Variants in SND1 observed in about 807,000 individuals in gnomAD.
SND1 encodes the protein staphylococcal nuclease domain-containing protein 1.
Under a neutral mutation model 121.7 loss-of-function variants are expected in SND1, and 38 were observed. The ratio of observed to expected loss-of-function variants is 0.31; its 90% confidence interval spans 0.24 to 0.41. The LOEUF (loss-of-function observed/expected upper bound fraction) is 0.41, where lower values mean the gene tolerates loss of function less well. SND1 is among the 10% of genes least tolerant of loss of function. SND1 has a pLI of 1.00. For missense variants in SND1, 868 were observed against 1,184.6 expected (o/e 0.73, Z 3.92); for synonymous variants, 401 against 447.4 (o/e 0.90, Z 1.31).
At chr7:127,897,145 T>G (rs1800135383) in intron 13 of SND1, among the ~76,000 whole-genome samples, 1 of 152,138 alleles carries the variant, frequency 6.6e-6, no homozygotes, top group Admixed American at 6.6e-5. Context: ...TGACTCTGCC[T>G]CCCGCCAGCA....
At chr7:127,935,783 G>A (rs1801048727) in intron 15 of SND1, among the ~76,000 whole-genome samples, 2 of 152,216 alleles carry the variant, frequency 1.3e-5, no homozygotes, top group African/African-American at 4.8e-5. Flanking sequence ...GCATTCTGCT[G>A]GAAATGTCTC....
chr7:127,875,550 GCACT>G (rs1799673033), intron 12 of SND1, among the ~76,000 whole-genome samples: 1 of 152,124 alleles, frequency 6.6e-6, no homozygotes, highest in South Asian at 2.1e-4. Context: ...TGGAATTGTG[GCACT>G]GTTGAGTCAA....
At chr7:127,886,708 C>T (rs1481848129) in intron 12 of SND1, among the ~76,000 whole-genome samples, 1 of 152,006 alleles carries the variant, frequency 6.6e-6, no homozygotes, top group Admixed American at 6.6e-5. Flanking sequence ...AGTTCCCTTT[C>T]CAGGTTGGGG....
intron 12 of SND1, among the ~76,000 whole-genome samples, chr7:127,864,600 G>C (rs976821465): frequency 2.0e-5 from 3 of 152,096 alleles, no homozygotes; most frequent in African/African-American, 7.2e-5. Flanking sequence ...TTAATTTTCT[G>C]ATTTCTTTCT....
chr7:127,741,147 T>A (rs4731377), intron 10 of SND1, among the ~76,000 whole-genome samples: 43,128 of 152,052 alleles, frequency 0.28, 7,662 homozygotes, highest in East Asian at 0.7. Flanking sequence ...GCCAGTAGTT[T>A]CCTTAAGAGC....
intron 10 of SND1, among the ~76,000 whole-genome samples, chr7:127,794,928 C>A (rs1270394204): frequency 1.3e-5 from 2 of 152,312 alleles, no homozygotes; most frequent in East Asian, 3.9e-4. Context: ...CTGGTCCTTG[C>A]TGCCACCGGT....
intron 12 of SND1, among the ~76,000 whole-genome samples, chr7:127,871,782 G>A (rs1799592519): frequency 6.6e-6 from 1 of 152,152 alleles, no homozygotes; most frequent in Admixed American, 6.5e-5. Flanking sequence ...ATAGAAGTGT[G>A]AATCTACATT....
At chr7:127,837,282 A>G (rs376196575) in intron 11 of SND1, among the ~76,000 whole-genome samples, 1 of 152,228 alleles carries the variant, frequency 6.6e-6, no homozygotes, top group East Asian at 1.9e-4. Flanking sequence ...CCAAATTGAG[A>G]TGTTTGTAAA....
At chr7:127,693,640 C>G (rs1322460482) in intron 2 of SND1, among the ~76,000 whole-genome samples, 1 of 152,152 alleles carries the variant, frequency 6.6e-6, no homozygotes, top group East Asian at 1.9e-4. Flanking sequence ...TCAGTTTACT[C>G]TTTTGCCTTT....
At chr7:127,806,207 C>T (rs1044582758) in intron 10 of SND1, among the ~76,000 whole-genome samples, 10 of 152,168 alleles carry the variant, frequency 6.6e-5, no homozygotes, top group African/African-American at 2.2e-4. Flanking sequence ...TCTTGACTTA[C>T]GCATGTCATC....
rs772940152 is a variant in SND1 at position 127,704,822 on chromosome 7, T to C, written c.841-17T>C. Reference sequence around the variant, plus strand: ...GAGTCTAATCCGTGCCTGCCTCTCATGTACCTTGTTTTTCAGAATGGCAAC... The same window carrying C: ...GAGTCTAATCCGTGCCTGCCTCTCACGTACCTTGTTTTTCAGAATGGCAAC... On this transcript the variant is annotated splice_polypyrimidine_tract_variant and intron_variant, in intron 7 of 23. Coordinates refer to ENST00000354725, the MANE Select transcript of SND1 (RefSeq NM_014390.4). The C allele has an allele frequency of 6.9e-6, 11 of 1,603,716 alleles. No homozygotes were observed. In the East Asian group the frequency reaches 1.6e-4, roughly 23 times the overall value.
At position 127,694,953 on chromosome 7, in the gene SND1, G is replaced by A. The variant is rs1795982212; in HGVS notation, c.349+5G>A. 1 of 1,610,302 alleles carries A rather than the reference G, an allele frequency of 6.2e-7. No homozygotes were observed. Among genetic ancestry groups the A allele is most frequent in the Non-Finnish European group, 8.5e-7 (1 of 1,177,812 alleles). ...GCATGATCTACCTTGGAAAAGGTGAGCTGCAGGGAGAGGACTCATTTCTCT... is the reference window on the plus strand; with the variant it reads ...GCATGATCTACCTTGGAAAAGGTGAACTGCAGGGAGAGGACTCATTTCTCT... On this transcript the variant is annotated splice_donor_5th_base_variant and intron_variant, in intron 3 of 23. Transcript: ENST00000354725.
intron 10 of SND1, among the ~76,000 whole-genome samples, chr7:127,732,095 C>T (rs920268263): frequency 5.9e-5 from 9 of 151,580 alleles, no homozygotes; most frequent in Non-Finnish European, 1.3e-4. Flanking sequence ...CTGGAGACTT[C>T]GGCCCTTTTG....
rs1323572857 is a variant in SND1 at position 127,871,291 on chromosome 7, C to T, written c.1344-16611C>T. Among the ~76,000 whole-genome samples the T allele has an allele frequency of 3.3e-5, 5 of 152,150 alleles. No individual in the cohort carries two copies. The South Asian group carries it at 8.3e-4, about 25-fold the overall frequency. ...ATAAGTATGATAGTAAATACATGCA[C>T]CATTAACATAGTCATTTATTATTGT... On this transcript the variant is annotated intron_variant, in intron 12 of 23. Transcript: ENST00000354725.
At chr7:127,653,413 T>A (rs1795156997) in intron 1 of SND1, among the ~76,000 whole-genome samples, 1 of 152,230 alleles carries the variant, frequency 6.6e-6, no homozygotes, top group African/African-American at 2.4e-5. Context: ...CTAGATGTCG[T>A]TTCATACTGC....
chr7:127,966,079 A>G (rs1269229151), intron 15 of SND1, among the ~76,000 whole-genome samples: 1 of 140,914 alleles, frequency 7.1e-6, no homozygotes, highest in Non-Finnish European at 1.5e-5. Context: ...GGTAGTTTGT[A>G]TTTCTGTGGG....
At chr7:127,977,309 G>A (rs145323393) in intron 15 of SND1, among the ~76,000 whole-genome samples, 1,597 of 152,280 alleles carry the variant, frequency 0.01, 16 homozygotes, top group Non-Finnish European at 0.017. Context: ...GTCTCATGAG[G>A]ACCTTAGAAA....
intron 22 of SND1, among the ~76,000 whole-genome samples, chr7:128,090,279 G>A (rs952317852): frequency 6.6e-6 from 1 of 152,222 alleles, no homozygotes; most frequent in African/African-American, 2.4e-5. Context: ...AGGGCTGATC[G>A]TGACAATCAG....
intron 12 of SND1, chr7:127,858,243 C>A: frequency 1.3e-6 from 1 of 771,666 alleles, no homozygotes. Flanking sequence ...TTTCCCTGGG[C>A]CACCATCTGG....
Sources: gnomAD v4.1 joint callset for allele counts (sites outside exome capture counted in the v4.1 genomes callset) on GRCh38, gnomAD v4.1.1 for gene constraint, MANE v1.5 for transcripts, NCBI Gene and HGNC (gene_info 2026-07-23, HGNC 2026-07-21) for gene names.